The following RFESD variants were observed in gnomAD, a reference collection of about 807,000 sequenced individuals.
The protein encoded by RFESD is Rieske domain-containing protein.
In RFESD, 16 loss-of-function variants were observed where a neutral mutation model predicts 24.4. That is an observed-to-expected ratio of 0.66 (90% CI 0.44 to 1.00). The LOEUF (loss-of-function observed/expected upper bound fraction) is 1.00. Ranked by LOEUF, RFESD falls within the 50% of genes least tolerant of loss-of-function variation. The pLI is 0.00. For synonymous variants in RFESD, 59 were observed against 81.8 expected (o/e 0.72, Z 1.50); for missense variants, 208 against 247.0 (o/e 0.84, Z 1.06).
At chr5:95,648,751 T>G (rs1460108524) in intron 1 of RFESD, among the ~76,000 whole-genome samples, 1 of 152,170 alleles carries the variant, frequency 6.6e-6, no homozygotes, top group African/African-American at 2.4e-5. Flanking sequence ...AGGCAAACCT[T>G]GCAAAAACTG....
At chr5:95,649,893 C>G (rs1750238751) in intron 1 of RFESD, among the ~76,000 whole-genome samples, 1 of 152,088 alleles carries the variant, frequency 6.6e-6, no homozygotes, top group Admixed American at 6.5e-5. Context: ...TTTTCTTTAG[C>G]CTATTTCCCC....
intron 1 of RFESD, among the ~76,000 whole-genome samples, chr5:95,651,787 T>C (rs1189636694): frequency 6.6e-6 from 1 of 152,198 alleles, no homozygotes; most frequent in Admixed American, 6.5e-5. Context: ...TTGATTTTTT[T>C]CCCACCTTTT....
At position 95,657,543 on chromosome 5, in the gene RFESD, A is replaced by G. The variant is rs569253312; in HGVS notation, c.*1234A>G. 1 of 152,232 alleles carries G rather than the reference A, an allele frequency of 6.6e-6. No homozygotes were observed. Among genetic ancestry groups the G allele is most frequent in the South Asian group, 2.1e-4 (1 of 4,820 alleles). 9.4% of individuals were successfully genotyped at this position (152,232 alleles called of 1,614,324 possible). ...TAGTATTTTTAAAGGAATAGAATTA[A>G]GAATCTAAATCTAATACTTAACATT... On this transcript the variant is annotated 3_prime_UTR_variant, in exon 6 of 6. Coordinates refer to ENST00000380005, the MANE Select transcript of RFESD (RefSeq NM_001131066.2).
Position 95,650,971 on chromosome 5 carries a change from G to A in RFESD, c.-135-1166G>A, listed in dbSNP as rs536559648. On this transcript the variant is annotated intron_variant, in intron 1 of 5. Coordinates refer to ENST00000380005, the MANE Select transcript of RFESD (RefSeq NM_001131066.2). The stretch of plus-strand genomic sequence containing the variant: ...AAATTATCCGGGTGTGGTGGCGGGC[G>A]CCTGTAGTCCCAGCTACTTGGGAAG... Among the ~76,000 whole-genome samples, 11 of 152,054 alleles carry A rather than the reference G, an allele frequency of 7.2e-5. No homozygotes were observed. The South Asian group carries it at 1.2e-3, about 17-fold the overall frequency.
chr5:95,654,394 C>G, intron 5 of RFESD, 27 bp downstream of exon 5: 2 of 1,409,884 alleles, frequency 1.4e-6, no homozygotes, highest in Non-Finnish European at 2.0e-6. Flanking sequence ...TTATTTTCAG[C>G]AAATTCAGCA....
intron 5 of RFESD, among the ~76,000 whole-genome samples, chr5:95,655,166 T>C (rs1420627705): frequency 6.6e-6 from 1 of 152,210 alleles, no homozygotes; most frequent in Non-Finnish European, 1.5e-5. Context: ...TGTTTATTTT[T>C]TCTATTTTTT....
intron 3 of RFESD, 101 bp downstream of exon 3, chr5:95,653,315 A>G: frequency 6.7e-7 from 1 of 1,485,984 alleles, no homozygotes; most frequent in Non-Finnish European, 9.0e-7. Flanking sequence ...GGCAAAACCA[A>G]GTGGACCACC....
Position 95,652,306 on chromosome 5 carries a change from C to T in RFESD, c.35C>T (p.Ser12Phe). 6.4e-7 allele frequency: 1 copy of T among 1,551,012 alleles called. No homozygotes were observed. The highest frequency in any genetic ancestry group is 1.2e-5 in the South Asian group (1 of 83,934). Residue 12 changes from serine to phenylalanine, a missense_variant, in exon 2 of 6, where the codon TCT becomes TTT. Physicochemically the swap from Ser to Phe is radical, Grantham distance 155. Transcript: ENST00000380005. ...TGTTTCAGGAATTGTCTTAGACCTT[C>T]TTCCTTATCTACACTTCCTCTCCAA... ...LKCFRNCLRP[S>F]SLSTLPLQYG...
chr5:95,654,582 G>T (rs953675250), intron 5 of RFESD, among the ~76,000 whole-genome samples: 13 of 152,126 alleles, frequency 8.5e-5, no homozygotes, highest in African/African-American at 3.1e-4. Flanking sequence ...TTAAGTATTT[G>T]TATAGGAATG....
At chr5:95,648,163 ATTTATTTCC>A (rs1750180330) in intron 1 of RFESD, 1 of 152,194 alleles carries the variant, frequency 6.6e-6, no homozygotes, top group Admixed American at 6.5e-5. Context: ...TTCCACTTGA[ATTTATTTCC>A]TTTGTTGGAA....
intron 5 of RFESD, among the ~76,000 whole-genome samples, chr5:95,655,049 GTCTC>G (rs148372438): frequency 6.6e-6 from 1 of 151,696 alleles, no homozygotes; most frequent in Non-Finnish European, 1.5e-5. Flanking sequence ...CATGAAATTG[GTCTC>G]TCTCTCTCTA....
In RFESD at chr5:95,656,259, T is replaced by A. The variant is rs764234367; in HGVS notation, c.583T>A (p.Ser195Thr). The A allele has an allele frequency of 1.2e-6, 2 of 1,613,298 alleles. No individual in the cohort carries two copies. The highest frequency in any genetic ancestry group is 3.3e-5 in the Admixed American group (2 of 60,016). Residue 195 changes from serine (S) to threonine (T), a missense_variant, in exon 6 of 6, where the codon TCT becomes ACT. Transcript: ENST00000380005. ...TTCTAATGAACCTTTTAAGTGTGAC[T>A]CTGATTTTTATGCCACTGGAGACTT... is the stretch of plus-strand genomic sequence containing the variant. ...TLSNEPFKCD[S>T]DFYATGDFKV...
intron 1 of RFESD, among the ~76,000 whole-genome samples, chr5:95,651,607 C>T (rs919959584): frequency 6.6e-6 from 1 of 152,098 alleles, no homozygotes; most frequent in African/African-American, 2.4e-5. Flanking sequence ...AGTATGTTGC[C>T]TAGGCTGGTC....
intron 1 of RFESD, chr5:95,647,708 A>G (rs1316033264): frequency 2.6e-5 from 4 of 152,120 alleles, no homozygotes; most frequent in South Asian, 2.1e-4. Context: ...TATATCACCA[A>G]TATACATATT....
At chr5:95,648,716 A>C (rs749628602) in intron 1 of RFESD, among the ~76,000 whole-genome samples, 1 of 152,168 alleles carries the variant, frequency 6.6e-6, no homozygotes, top group Admixed American at 6.5e-5. Flanking sequence ...CAGTCCCGTA[A>C]AAGTTCACCA....
intron 5 of RFESD, among the ~76,000 whole-genome samples, chr5:95,654,797 G>A (rs1487623494): frequency 6.6e-6 from 1 of 151,974 alleles, no homozygotes; most frequent in African/African-American, 2.4e-5. Context: ...GTCATAGGAT[G>A]ATAATAGTCT....
At chr5:95,650,051 A>T (rs990967189) in intron 1 of RFESD, among the ~76,000 whole-genome samples, 3 of 152,224 alleles carry the variant, frequency 2.0e-5, no homozygotes, top group South Asian at 4.1e-4. Context: ...GCCAAAATCA[A>T]ATAAAACCAG....
intron 1 of RFESD, chr5:95,647,742 T>C (rs1282206520): frequency 2.6e-5 from 4 of 152,178 alleles, no homozygotes; most frequent in African/African-American, 9.7e-5. Flanking sequence ...GGTTTCTGTG[T>C]CTTCAGGATA....
chr5:95,653,043 A>G (rs1750452814), intron 2 of RFESD, 74 bp from the exon 3 acceptor site: 1 of 1,535,256 alleles, frequency 6.5e-7, no homozygotes, highest in Non-Finnish European at 8.8e-7. Flanking sequence ...CTTGCATATT[A>G]TGTTCCAGTC....
Sources: gnomAD v4.1 joint callset for allele counts (sites outside exome capture counted in the v4.1 genomes callset) on GRCh38, gnomAD v4.1.1 for gene constraint, MANE v1.5 for transcripts, NCBI Gene and HGNC (gene_info 2026-07-23, HGNC 2026-07-21) for gene names.